SRPK2: variants seen among roughly 807,000 people sequenced by gnomAD.
SRPK2 encodes the protein SFRS protein kinase 2.
In SRPK2, 21 loss-of-function variants were observed where a neutral mutation model predicts 90.8. The ratio of observed to expected loss-of-function variants is 0.23; its 90% confidence interval spans 0.16 to 0.33. The LOEUF (loss-of-function observed/expected upper bound fraction) is 0.33, where lower values mean the gene tolerates loss of function less well. SRPK2 is among the 10% of genes least tolerant of loss of function. The probability of loss-of-function intolerance (pLI) is 1.00; values close to 1 mark genes in which losing one functional copy is unlikely to be tolerated. For missense variants in SRPK2, 620 were observed against 869.0 expected, an observed-to-expected ratio of 0.71 and a Z score of 3.60; for synonymous variants, 288 against 311.1, an observed-to-expected ratio of 0.93 and a Z score of 0.78.
At chr7:105,250,574 A>G (rs1275430510) in intron 2 of SRPK2, among the ~76,000 whole-genome samples, 5 of 152,228 alleles carry the variant, frequency 3.3e-5, no homozygotes, top group Non-Finnish European at 5.9e-5. Context: ...AGGGATTTTT[A>G]AGTTCGAAAT....
chr7:105,218,927 T>C (rs1262633978), intron 2 of SRPK2, among the ~76,000 whole-genome samples: 3 of 151,440 alleles, frequency 2.0e-5, no homozygotes, highest in Non-Finnish European at 4.4e-5. Flanking sequence ...GAACAAGAAA[T>C]TCAACAATTT....
chr7:105,126,162 C>T (rs1801172534), intron 15 of SRPK2, 86 bp downstream of exon 15: 1 of 1,129,598 alleles, frequency 8.9e-7, no homozygotes, highest in South Asian at 1.3e-5. Context: ...AGGAGAAATG[C>T]CTTTGTCACC....
In SRPK2 at chr7:105,190,828, T is replaced by C. The variant is rs538735147; in HGVS notation, c.229+12800A>G. Among the ~76,000 whole-genome samples the C allele has an allele frequency of 7.2e-5, 11 of 152,332 alleles. No individual in the cohort carries two copies. The South Asian group carries it at 1.9e-3, about 26-fold the overall frequency. On this transcript the variant is annotated intron_variant, in intron 3 of 15. Coordinates refer to ENST00000393651, the MANE Select transcript of SRPK2 (RefSeq NM_182692.3). ...CATATTTCTAACCACCTTCTTGATA[T>C]TTCCATCAACAGTCAAACTCATCAA...
chr7:105,160,499 A>C lies in SRPK2; in HGVS notation c.621+8T>G, dbSNP rs1353544333. 1 of 1,590,348 alleles carries C rather than the reference A, an allele frequency of 6.3e-7. No individual in the cohort carries two copies. The highest frequency in any genetic ancestry group is 1.3e-5 in the African/African-American group (1 of 74,464). ...CTAGGGCCTAGGGGCTGCCGTCAAA[A>C]GTCTCACCTGTCGAATGATACTCTT... On this transcript the variant is annotated splice_region_variant and intron_variant, in intron 7 of 15. Transcript: ENST00000393651.
intron 11 of SRPK2, among the ~76,000 whole-genome samples, chr7:105,139,893 T>C (rs902990486): frequency 5.3e-5 from 8 of 151,976 alleles, no homozygotes; most frequent in Non-Finnish European, 1.2e-4. Flanking sequence ...TAATCTGATA[T>C]GCAGGTGCCT....
intron 2 of SRPK2, among the ~76,000 whole-genome samples, chr7:105,282,120 G>A (rs1177896322): frequency 2.0e-5 from 3 of 152,116 alleles, no homozygotes; most frequent in African/African-American, 7.2e-5. Flanking sequence ...GCCTAAGGGT[G>A]GACATTTAAA....
intron 2 of SRPK2, among the ~76,000 whole-genome samples, chr7:105,225,122 G>T (rs1585242163): frequency 6.6e-6 from 1 of 152,050 alleles, no homozygotes; most frequent in South Asian, 2.1e-4. Context: ...AGCCCAGGAG[G>T]TTTAGATCAC....
intron 2 of SRPK2, among the ~76,000 whole-genome samples, chr7:105,310,596 T>G (rs1030744265): frequency 6.6e-6 from 1 of 152,038 alleles, no homozygotes; most frequent in Non-Finnish European, 1.5e-5. Flanking sequence ...GAAGCCGAGA[T>G]CGCGCCACTG....
intron 2 of SRPK2, among the ~76,000 whole-genome samples, chr7:105,252,665 T>C (rs747453125): frequency 6.6e-6 from 1 of 152,142 alleles, no homozygotes; most frequent in African/African-American, 2.4e-5. Context: ...AATGATACTT[T>C]ATATATCCAT....
At chr7:105,379,028 TCA>T (rs1156580167) in intron 2 of SRPK2, among the ~76,000 whole-genome samples, 2 of 150,448 alleles carry the variant, frequency 1.3e-5, no homozygotes, top group Non-Finnish European at 3.0e-5. Flanking sequence ...ATGGTGGTGC[TCA>T]CATGTAGTCC....
At chr7:105,385,374 C>T (rs1310650695) in intron 2 of SRPK2, among the ~76,000 whole-genome samples, 1 of 150,254 alleles carries the variant, frequency 6.7e-6, no homozygotes, top group Non-Finnish European at 1.5e-5. Flanking sequence ...TTAGTAGAGA[C>T]GGGGTGTTAG....
Position 105,356,295 on chromosome 7 carries a change from T to C in SRPK2, c.71+32353A>G, listed in dbSNP as rs560954418. Among the ~76,000 whole-genome samples the C allele has an allele frequency of 3.9e-5, 6 of 151,962 alleles. No homozygotes were observed. In the East Asian group the frequency reaches 7.8e-4, roughly 20 times the overall value. On this transcript the variant is annotated intron_variant, in intron 2 of 15. Transcript: ENST00000393651. ...GAAAAGTGGAAGGCACTAAGTAAAA[T>C]AGGCCGTGCTCCATCCTGGAGCATG...
At position 105,145,273 on chromosome 7, in the gene SRPK2, A is replaced by C. The variant is rs765918743; in HGVS notation, c.813+10T>G. 6 of 1,589,292 alleles carry C rather than the reference A, an allele frequency of 3.8e-6. No homozygotes were observed. The African/African-American group carries it at 6.7e-5, about 18-fold the overall frequency. On this transcript the variant is annotated intron_variant, in intron 9 of 15. Transcript: ENST00000393651. ...ATGGTGCATATAAAGTAATATGCGT[A>C]AGTACTTACAGGTTTCTGCTGTGGA... is the stretch of plus-strand genomic sequence containing the variant.
chr7:105,250,389 T>G (rs1219689574), intron 2 of SRPK2, among the ~76,000 whole-genome samples: 1 of 147,680 alleles, frequency 6.8e-6, no homozygotes, highest in Admixed American at 6.9e-5. Flanking sequence ...CACATGCCCT[T>G]ACATGCAAAC....
chr7:105,283,902 G>A (rs924639802), intron 2 of SRPK2, among the ~76,000 whole-genome samples: 4 of 152,036 alleles, frequency 2.6e-5, no homozygotes, highest in African/African-American at 9.7e-5. Flanking sequence ...AGACTGAAGT[G>A]GAGGCTGAGC....
intron 3 of SRPK2, among the ~76,000 whole-genome samples, chr7:105,191,872 AC>A (rs957672025): frequency 1.1e-4 from 16 of 150,544 alleles, no homozygotes; most frequent in African/African-American, 3.4e-4. Flanking sequence ...GTAAAAAAAA[AC>A]AAAAAAAACT....
At chr7:105,165,919 C>A (rs1287055649) in intron 6 of SRPK2, among the ~76,000 whole-genome samples, 1 of 152,098 alleles carries the variant, frequency 6.6e-6, no homozygotes, top group Non-Finnish European at 1.5e-5. Context: ...CTGAAGTCAG[C>A]GAGACCACGA....
intron 3 of SRPK2, among the ~76,000 whole-genome samples, chr7:105,170,803 G>T: frequency 8.2e-6 from 1 of 121,944 alleles, no homozygotes; most frequent in Non-Finnish European, 1.7e-5. Context: ...GAGGGAGGGA[G>T]GGAGAGAGAG....
intron 7 of SRPK2, among the ~76,000 whole-genome samples, chr7:105,147,070 C>T (rs1265400176): frequency 6.6e-6 from 1 of 152,198 alleles, no homozygotes; most frequent in East Asian, 1.9e-4. Flanking sequence ...GATCTATCCA[C>T]TTAATGAATA....
Sources: gnomAD v4.1 joint callset for allele counts (sites outside exome capture counted in the v4.1 genomes callset) on GRCh38, gnomAD v4.1.1 for gene constraint, MANE v1.5 for transcripts, NCBI Gene and HGNC (gene_info 2026-07-23, HGNC 2026-07-21) for gene names.